Variants in NR6A1 observed in about 807,000 individuals in gnomAD.
The protein encoded by NR6A1 is nuclear receptor subfamily 6 group A member 1.
A neutral mutation model predicts 59.1 loss-of-function variants in NR6A1; 7 were observed. The observed-to-expected ratio is 0.12, with a 90% CI of 0.07 to 0.22. NR6A1 has a LOEUF of 0.22. Ranked by LOEUF, NR6A1 falls within the 10% of genes least tolerant of loss-of-function variation. The pLI, the probability that NR6A1 is intolerant of heterozygous loss-of-function variation, is 1.00. For synonymous variants in NR6A1, 243 were observed against 236.1 expected (o/e 1.03, Z -0.27); for missense variants, 468 against 611.6 (o/e 0.77, Z 2.48).
At position 124,518,461 on chromosome 9, in the gene NR6A1, G is replaced by T. The variant is rs535180868; in HGVS notation, c.*4244C>A. On this transcript the variant is annotated 3_prime_UTR_variant, in exon 10 of 10. Coordinates refer to ENST00000487099, the MANE Select transcript of NR6A1 (RefSeq NM_033334.4). ...TGTTGCTGTGGCAGCCTAGAGAGGA[G>T]TTTCTGGGGATCCTGTAATTAAATA... is the stretch of plus-strand genomic sequence containing the variant. 1 of 152,136 alleles carries T rather than the reference G, an allele frequency of 6.6e-6. No individual in the cohort carries two copies. The highest frequency in any genetic ancestry group is 2.1e-4 in the South Asian group (1 of 4,812). The allele number at this position is 152,136 out of a possible 1,614,324, so 9.4% of individuals were successfully genotyped here.
At chr9:124,614,589 G>A (rs912057718) in intron 2 of NR6A1, among the ~76,000 whole-genome samples, 9 of 152,186 alleles carry the variant, frequency 5.9e-5, no homozygotes, top group African/African-American at 2.2e-4. Context: ...AGGAGCCAGA[G>A]AGGCAACTCC....
At chr9:124,593,665 C>T (rs546612125) in intron 2 of NR6A1, among the ~76,000 whole-genome samples, 7 of 152,144 alleles carry the variant, frequency 4.6e-5, no homozygotes, top group African/African-American at 1.7e-4. Flanking sequence ...CTCCTTTAAG[C>T]GGCAATCTAA....
chr9:124,545,446 G>A (rs1670580946), intron 3 of NR6A1, among the ~76,000 whole-genome samples: 1 of 152,190 alleles, frequency 6.6e-6, no homozygotes, highest in South Asian at 2.1e-4. Flanking sequence ...ATAAAAAGCT[G>A]TTGTGAATTT....
At chr9:124,586,435 T>C (rs1417725033) in intron 2 of NR6A1, among the ~76,000 whole-genome samples, 3 of 151,914 alleles carry the variant, frequency 2.0e-5, no homozygotes, top group Non-Finnish European at 4.4e-5. Context: ...ATTGCTGCAA[T>C]TGCATGATAA....
chr9:124,622,400 C>A (rs530096946), intron 2 of NR6A1, among the ~76,000 whole-genome samples: 39 of 152,188 alleles, frequency 2.6e-4, no homozygotes, highest in South Asian at 1.2e-3. Context: ...AGGTTCAGAC[C>A]GGCAAAACAG....
At chr9:124,625,609 A>G (rs1401519783) in intron 2 of NR6A1, among the ~76,000 whole-genome samples, 3 of 152,034 alleles carry the variant, frequency 2.0e-5, no homozygotes. Context: ...CATTAATTCT[A>G]GTGTGTTCTT....
At position 124,525,284 on chromosome 9, in the gene NR6A1, AACACACAC is replaced by A. The variant is rs71492413; in HGVS notation, c.1202-419_1202-412del. Among the ~76,000 whole-genome samples, 294 of 137,398 alleles carry A rather than the reference AACACACAC, an allele frequency of 2.1e-3. 1 individual carries two copies. Among genetic ancestry groups the A allele is most frequent in the African/African-American group, 6.1e-3 (218 of 35,938 alleles). 90.1% of individuals were successfully genotyped at this position (137,398 alleles called of 152,430 possible). Reference sequence around the variant, plus strand: ...AATACCTACACATTCATGCTTGTAAAACACACACACACACACACACACACACACACACA... The same window carrying A: ...AATACCTACACATTCATGCTTGTAAAACACACACACACACACACACACACA... On this transcript the variant is annotated intron_variant, in intron 8 of 9. Transcript: ENST00000487099.
chr9:124,597,532 C>A (rs1248466017), intron 2 of NR6A1, among the ~76,000 whole-genome samples: 1 of 152,060 alleles, frequency 6.6e-6, no homozygotes, highest in Non-Finnish European at 1.5e-5. Flanking sequence ...CTTTACTGCA[C>A]CAACTTTTGG....
In NR6A1 at chr9:124,750,110, T is replaced by C. The variant is rs757530193; in HGVS notation, c.101-16761A>G. ...ACTTTAATACAAGCTGACCTGGAAA[T>C]TGAGACTGTATAGACACATTGGTTA... On this transcript the variant is annotated intron_variant, in intron 1 of 9. Coordinates refer to ENST00000487099, the MANE Select transcript of NR6A1 (RefSeq NM_033334.4). Among the ~76,000 whole-genome samples the C allele has an allele frequency of 3.9e-5, 6 of 152,354 alleles. 1 individual carries two copies. In the South Asian group the frequency reaches 1.0e-3, roughly 26 times the overall value.
rs1841094482 is a variant in NR6A1, at chr9:124,770,322, A to C, written c.100+698T>G. 2.1e-5 allele frequency: 3 copies of C among 144,042 alleles called. No homozygotes were observed. The South Asian group carries it at 7.7e-4, about 37-fold the overall frequency. The allele number at this position is 144,042 out of a possible 1,614,324, so 8.9% of individuals were successfully genotyped here. A position where few individuals can be genotyped will look rare whatever the true frequency, so the allele number is the denominator to read the frequency against. On this transcript the variant is annotated intron_variant, in intron 1 of 9. Coordinates refer to ENST00000487099, the MANE Select transcript of NR6A1 (RefSeq NM_033334.4). Reference sequence around the variant, plus strand: ...GTTGAGGAAGGTGAGGCGCAGGGGAAGCAGGAGGCGCGAAGGGGTCCGAAA... The same window carrying C: ...GTTGAGGAAGGTGAGGCGCAGGGGACGCAGGAGGCGCGAAGGGGTCCGAAA...
In NR6A1 at chr9:124,522,300, C is replaced by T. The variant is rs543876790; in HGVS notation, c.*405G>A. On this transcript the variant is annotated 3_prime_UTR_variant, in exon 10 of 10. Transcript: ENST00000487099. ...GAAAAAGTAGGGATGGCCACACCCC[C>T]CATTTCCATTGAGGTAGTCATCTTT... 1.3e-5 allele frequency: 2 copies of T among 157,038 alleles called. No individual in the cohort carries two copies. The highest frequency in any genetic ancestry group is 1.9e-4 in the South Asian group (1 of 5,234). The allele number at this position is 157,038 out of a possible 1,614,324, so 9.7% of individuals were successfully genotyped here. A position where few individuals can be genotyped will look rare whatever the true frequency, so the allele number is the denominator to read the frequency against.
chr9:124,523,880 G>A (rs569460160), intron 9 of NR6A1, among the ~76,000 whole-genome samples: 3 of 152,176 alleles, frequency 2.0e-5, no homozygotes, highest in East Asian at 3.9e-4. Flanking sequence ...GAAGAATCCC[G>A]GTCTATAGGT....
At chr9:124,747,243 G>A (rs553590215) in intron 1 of NR6A1, among the ~76,000 whole-genome samples, 8 of 138,564 alleles carry the variant, frequency 5.8e-5, no homozygotes, top group Non-Finnish European at 1.2e-4. Context: ...AGGCTACAGT[G>A]CAATGGCATA....
chr9:124,686,341 C>T (rs769755701), intron 2 of NR6A1, among the ~76,000 whole-genome samples: 16 of 152,308 alleles, frequency 1.1e-4, no homozygotes, highest in South Asian at 2.1e-4. Flanking sequence ...GCAAAACACA[C>T]GCCTATTGGC....
intron 8 of NR6A1, 123 bp downstream of exon 8, chr9:124,526,656 C>T (rs1293279864): frequency 4.9e-6 from 7 of 1,418,652 alleles, no homozygotes; most frequent in Middle Eastern, 2.0e-4. Context: ...GGATTGAAAC[C>T]CAGATGGTGT....
intron 3 of NR6A1, among the ~76,000 whole-genome samples, chr9:124,550,949 T>C (rs773903159): frequency 3.0e-4 from 46 of 152,362 alleles, no homozygotes; most frequent in Middle Eastern, 3.4e-3. Context: ...CTTTGGGTTA[T>C]AAATTAATCC....
chr9:124,726,802 G>C (rs1360097630), intron 2 of NR6A1, among the ~76,000 whole-genome samples: 1 of 152,194 alleles, frequency 6.6e-6, no homozygotes, highest in Non-Finnish European at 1.5e-5. Context: ...TACTAACCTT[G>C]GAATGTAAGA....
At chr9:124,741,891 C>T (rs556231646) in intron 1 of NR6A1, among the ~76,000 whole-genome samples, 23 of 152,090 alleles carry the variant, frequency 1.5e-4, no homozygotes, top group African/African-American at 4.8e-4. Flanking sequence ...TGAAAGTGCT[C>T]GGTAGCCATG....
At chr9:124,579,781 C>T (rs1834708233) in intron 2 of NR6A1, among the ~76,000 whole-genome samples, 1 of 152,062 alleles carries the variant, frequency 6.6e-6, no homozygotes, top group Non-Finnish European at 1.5e-5. Context: ...GAGGCTGAGG[C>T]GGGTGGATCA....
Sources: gnomAD v4.1 joint callset for allele counts (sites outside exome capture counted in the v4.1 genomes callset) on GRCh38, gnomAD v4.1.1 for gene constraint, MANE v1.5 for transcripts, NCBI Gene and HGNC (gene_info 2026-07-23, HGNC 2026-07-21) for gene names.